The following NUDCD1 variants were observed in gnomAD, a reference collection of about 807,000 sequenced individuals.
NUDCD1 encodes nudC domain-containing protein 1.
A neutral mutation model predicts 67.8 loss-of-function variants in NUDCD1; 60 were observed. The ratio of observed to expected loss-of-function variants is 0.88; its 90% CI spans 0.72 to 1.10. The LOEUF (loss-of-function observed/expected upper bound fraction) is 1.10. Among genes scored for constraint, NUDCD1 ranks in the 50% least tolerant of loss-of-function variants. NUDCD1 has a pLI of 0.00. For missense variants in NUDCD1, 643 were observed against 695.0 expected (o/e 0.93, Z 0.84); for synonymous variants, 244 against 230.8 (o/e 1.06, Z -0.52).
chr8:109,242,750 T>A lies in NUDCD1; in HGVS notation c.*259A>T, dbSNP rs1586242263. ...TAAAACATGAGATTCTAGCCTGTTT[T>A]AAAAAATAAGTATACTTGCTAGTAC... On this transcript the variant is annotated 3_prime_UTR_variant, in exon 10 of 10. Coordinates refer to ENST00000239690, the MANE Select transcript of NUDCD1 (RefSeq NM_032869.4). The A allele has an allele frequency of 4.2e-6, 1 of 235,854 alleles. No individual in the cohort carries two copies. Among genetic ancestry groups the A allele is most frequent in the South Asian group, 1.2e-4 (1 of 8,624 alleles). 14.6% of individuals were successfully genotyped at this position (235,854 alleles called of 1,614,324 possible). A position where few individuals can be genotyped will look rare whatever the true frequency, so the allele number is the denominator to read the frequency against.
chr8:109,272,255 CAAT>C (rs143849257), intron 7 of NUDCD1, among the ~76,000 whole-genome samples: 3,694 of 151,504 alleles, frequency 0.024, 138 homozygotes, highest in African/African-American at 0.085. Context: ...TGTAAGACAA[CAAT>C]AATACAAAGA....
intron 1 of NUDCD1, among the ~76,000 whole-genome samples, chr8:109,330,275 T>A (rs1195426614): frequency 1.3e-5 from 2 of 152,228 alleles, no homozygotes; most frequent in Non-Finnish European, 2.9e-5. Context: ...TACAACTTAA[T>A]AACATTATTT....
chr8:109,272,260 A>G (rs532169512), intron 7 of NUDCD1, among the ~76,000 whole-genome samples: 2 of 151,814 alleles, frequency 1.3e-5, no homozygotes, highest in African/African-American at 4.9e-5. Flanking sequence ...GACAACAATA[A>G]TACAAAGAAT....
At chr8:109,319,628 G>A (rs932266306) in intron 2 of NUDCD1, among the ~76,000 whole-genome samples, 2 of 152,180 alleles carry the variant, frequency 1.3e-5, no homozygotes, top group African/African-American at 4.8e-5. Context: ...TAATCAATGA[G>A]AAAAGGACCA....
intron 2 of NUDCD1, 30 bp downstream of exon 2, chr8:109,322,274 ACATAT>A (rs1286189582): frequency 2.0e-5 from 24 of 1,184,332 alleles, no homozygotes; most frequent in Non-Finnish European, 2.8e-5. Context: ...GATATTACAT[ACATAT>A]ATTAATTATT....
At position 109,321,895 on chromosome 8, in the gene NUDCD1, C is replaced by T. The variant is rs920299121; in HGVS notation, c.273+414G>A. On this transcript the variant is annotated intron_variant, in intron 2 of 9. Transcript: ENST00000239690. The stretch of plus-strand genomic sequence containing the variant: ...AGAGATAAAGAGACATTTTAAAATG[C>T]TAAAAGAATCAATTCAGTATAAATA... Among the ~76,000 whole-genome samples the T allele has an allele frequency of 5.9e-5, 9 of 152,088 alleles. No homozygotes were observed. In the East Asian group the frequency reaches 1.4e-3, roughly 23 times the overall value.
chr8:109,308,794 AC>A (rs1021090028), intron 2 of NUDCD1, among the ~76,000 whole-genome samples: 4 of 152,012 alleles, frequency 2.6e-5, no homozygotes, highest in African/African-American at 9.7e-5. Context: ...ACACAATGAA[AC>A]CCAGTCTCTA....
At chr8:109,303,870 T>A (rs566785864) in intron 2 of NUDCD1, among the ~76,000 whole-genome samples, 18 of 152,202 alleles carry the variant, frequency 1.2e-4, no homozygotes, top group African/African-American at 4.1e-4. Context: ...CCTTTTAAAG[T>A]CTATAAACTC....
chr8:109,306,067 C>T (rs547104788), intron 2 of NUDCD1, among the ~76,000 whole-genome samples: 5 of 152,302 alleles, frequency 3.3e-5, no homozygotes, highest in African/African-American at 1.2e-4. Context: ...GAAAACTTGT[C>T]ATCCCTACTA....
intron 2 of NUDCD1, among the ~76,000 whole-genome samples, chr8:109,308,146 T>C (rs1212108544): frequency 6.6e-6 from 1 of 152,176 alleles, no homozygotes; most frequent in East Asian, 1.9e-4. Context: ...ATACAGAACA[T>C]TTAATCCAAC....
chr8:109,255,761 G>C (rs1813721127), intron 8 of NUDCD1, among the ~76,000 whole-genome samples: 1 of 151,628 alleles, frequency 6.6e-6, no homozygotes, highest in Non-Finnish European at 1.5e-5. Flanking sequence ...AACATGAACA[G>C]AGGTAAATAA....
At chr8:109,331,790 G>A (rs1214396514) in intron 1 of NUDCD1, among the ~76,000 whole-genome samples, 1 of 152,146 alleles carries the variant, frequency 6.6e-6, no homozygotes, top group Non-Finnish European at 1.5e-5. Context: ...CAGAAAAGTT[G>A]GCAGAACTAC....
intron 9 of NUDCD1, 104 bp downstream of exon 9, chr8:109,245,218 A>G: frequency 9.2e-7 from 1 of 1,086,986 alleles, no homozygotes; most frequent in Non-Finnish European, 1.3e-6. Context: ...ATCTAAATGT[A>G]ATCAGGACAG....
At chr8:109,325,493 A>T (rs909590151) in intron 1 of NUDCD1, among the ~76,000 whole-genome samples, 1 of 152,206 alleles carries the variant, frequency 6.6e-6, no homozygotes, top group African/African-American at 2.4e-5. Flanking sequence ...ATATTTTTAA[A>T]ATAAAAAATA....
intron 8 of NUDCD1, among the ~76,000 whole-genome samples, chr8:109,251,577 T>C (rs566379863): frequency 5.9e-5 from 9 of 152,176 alleles, no homozygotes; most frequent in East Asian, 5.8e-4. Context: ...TAAGACTTCA[T>C]TGGTTACACT....
chr8:109,287,154 G>A (rs2130006011), intron 5 of NUDCD1, among the ~76,000 whole-genome samples: 1 of 152,296 alleles, frequency 6.6e-6, no homozygotes, highest in East Asian at 1.9e-4. Context: ...TGATAAGGCT[G>A]TGGAGAAAAG....
At chr8:109,319,277 TTA>T (rs1281847701) in intron 2 of NUDCD1, among the ~76,000 whole-genome samples, 3 of 152,106 alleles carry the variant, frequency 2.0e-5, no homozygotes, top group Non-Finnish European at 4.4e-5. Flanking sequence ...TCGGCCCATT[TTA>T]TGTTTTTGTA....
intron 8 of NUDCD1, among the ~76,000 whole-genome samples, chr8:109,256,304 T>C (rs769954324): frequency 1.3e-5 from 2 of 152,190 alleles, no homozygotes; most frequent in African/African-American, 2.4e-5. Context: ...TGTCTCCACA[T>C]TGGTAGCAAA....
Position 109,271,648 on chromosome 8 carries a change from A to C in NUDCD1, c.1174-518T>G, listed in dbSNP as rs552396690. Among the ~76,000 whole-genome samples, 7 of 152,322 alleles carry C rather than the reference A, an allele frequency of 4.6e-5. No individual in the cohort carries two copies. In the South Asian group the frequency reaches 1.4e-3, roughly 32 times the overall value. On this transcript the variant is annotated intron_variant, in intron 7 of 9. Coordinates refer to ENST00000239690, the MANE Select transcript of NUDCD1 (RefSeq NM_032869.4). ...AGAATGGGGAAAAAAATTGCAAATA[A>C]GTAATGGCCAACACTTTAGAATGTC...
Sources: gnomAD v4.1 joint callset for allele counts (sites outside exome capture counted in the v4.1 genomes callset) on GRCh38, gnomAD v4.1.1 for gene constraint, MANE v1.5 for transcripts, NCBI Gene and HGNC (gene_info 2026-07-23, HGNC 2026-07-21) for gene names.